FAM184B: variants seen among roughly 807,000 people sequenced by gnomAD.
The protein encoded by FAM184B is family with sequence similarity 184 member B.
A neutral mutation model predicts 135.9 loss-of-function variants in FAM184B; 111 were observed. The observed-to-expected ratio is 0.82, with a 90% CI of 0.70 to 0.96. FAM184B has a LOEUF of 0.96. Ranked by LOEUF, FAM184B falls within the 40% of genes least tolerant of loss-of-function variation. The pLI is 0.00. For synonymous variants in FAM184B, 552 were observed against 524.8 expected (o/e 1.05, Z -0.71); for missense variants, 1,375 against 1,323.9 (o/e 1.04, Z -0.60).
At position 17,772,161 on chromosome 4, in the gene FAM184B, G is replaced by C. The variant is rs147973695; in HGVS notation, c.141+8998C>G. ...ATTTATATTCATTAGTATAAAGAAG[G>C]GTGAAAAGTTGCCCTCTAGAAACAA... On this transcript the variant is annotated intron_variant, in intron 1 of 17. Coordinates refer to ENST00000265018, the MANE Select transcript of FAM184B (RefSeq NM_015688.2). 3.6e-3 allele frequency among the ~76,000 whole-genome samples: 545 copies of C among 151,940 alleles called. 3 individuals carry two copies. Among genetic ancestry groups the C allele is most frequent in the African/African-American group, 0.012 (477 of 41,444 alleles).
intron 7 of FAM184B, among the ~76,000 whole-genome samples, chr4:17,676,699 A>C (rs564212132): frequency 7.2e-5 from 11 of 152,212 alleles, no homozygotes; most frequent in Non-Finnish European, 1.3e-4. Context: ...CTATTGCCTA[A>C]TGATGACATA....
chr4:17,744,719 CA>C (rs1303877399), intron 1 of FAM184B, among the ~76,000 whole-genome samples: 312 of 122,314 alleles, frequency 2.6e-3, no homozygotes, highest in Middle Eastern at 3.8e-3. Flanking sequence ...GACTCCATCT[CA>C]AAAAAAAAAA....
chr4:17,714,499 T>C (rs1202985687), intron 1 of FAM184B, among the ~76,000 whole-genome samples: 3 of 152,142 alleles, frequency 2.0e-5, no homozygotes, highest in African/African-American at 4.8e-5. Context: ...AGGAACACTG[T>C]CTGTCATTGA....
chr4:17,766,496 G>A (rs6836293), intron 1 of FAM184B, among the ~76,000 whole-genome samples: 4,989 of 149,320 alleles, frequency 0.033, 275 homozygotes, highest in African/African-American at 0.11. Context: ...TGAGCTAGAC[G>A]CAGAATGCTG....
chr4:17,648,089 C>CAGCT (rs1416027008), intron 11 of FAM184B, among the ~76,000 whole-genome samples: 1 of 152,102 alleles, frequency 6.6e-6, no homozygotes, highest in Non-Finnish European at 1.5e-5. Flanking sequence ...CAAAGCCACA[C>CAGCT]AGCTATTAAA....
At position 17,629,935 on chromosome 4, in the gene FAM184B, C is replaced by T. The variant is rs1714875240; in HGVS notation, c.*2597G>A. 1 of 152,148 alleles carries T rather than the reference C, an allele frequency of 6.6e-6. No homozygotes were observed. The highest frequency in any genetic ancestry group is 2.1e-4 in the South Asian group (1 of 4,828). 9.4% of individuals were successfully genotyped at this position (152,148 alleles called of 1,614,324 possible). A position where few individuals can be genotyped will look rare whatever the true frequency, so the allele number is the denominator to read the frequency against. On this transcript the variant is annotated 3_prime_UTR_variant, in exon 18 of 18. Transcript: ENST00000265018. ...GTTTGTGTCCTTAAATGCCTTACTT[C>T]AATACCCAAGGCATATGGCCTCAAT...
At chr4:17,773,247 A>C (rs913161247) in intron 1 of FAM184B, among the ~76,000 whole-genome samples, 4 of 152,198 alleles carry the variant, frequency 2.6e-5, no homozygotes, top group Non-Finnish European at 5.9e-5. Flanking sequence ...AGGATGAGTA[A>C]GTATGTCAAA....
chr4:17,642,982 G>A (rs1715366061), intron 12 of FAM184B, among the ~76,000 whole-genome samples: 1 of 152,230 alleles, frequency 6.6e-6, no homozygotes, highest in Non-Finnish European at 1.5e-5. Flanking sequence ...GCACAGCTGT[G>A]CACGGGGAGA....
chr4:17,691,472 G>A (rs1206598083), intron 6 of FAM184B, among the ~76,000 whole-genome samples: 2 of 151,972 alleles, frequency 1.3e-5, no homozygotes, highest in Admixed American at 1.3e-4. Flanking sequence ...GATCACCTGA[G>A]CTCAGGAGTT....
chr4:17,756,678 A>T (rs899895880), intron 1 of FAM184B, among the ~76,000 whole-genome samples: 1 of 152,220 alleles, frequency 6.6e-6, no homozygotes, highest in African/African-American at 2.4e-5. Context: ...TCATCCCAGC[A>T]CTTTGGAAGG....
intron 6 of FAM184B, among the ~76,000 whole-genome samples, chr4:17,692,992 G>A (rs1477119326): frequency 6.9e-6 from 1 of 144,002 alleles, no homozygotes; most frequent in Admixed American, 7.2e-5. Context: ...CCACAAAGGG[G>A]CGAATGTAAC....
chr4:17,649,935 C>T (rs900429725), intron 11 of FAM184B, among the ~76,000 whole-genome samples: 1 of 151,556 alleles, frequency 6.6e-6, no homozygotes, highest in Admixed American at 6.6e-5. Context: ...CACTGATCCA[C>T]CCATTGGTTG....
At chr4:17,649,271 A>G (rs1560167363) in intron 11 of FAM184B, among the ~76,000 whole-genome samples, 1 of 152,198 alleles carries the variant, frequency 6.6e-6, no homozygotes, top group Non-Finnish European at 1.5e-5. Context: ...GTAAAAGCAT[A>G]GTGTATTTGG....
At chr4:17,760,012 C>T (rs888175985) in intron 1 of FAM184B, among the ~76,000 whole-genome samples, 1 of 152,090 alleles carries the variant, frequency 6.6e-6, no homozygotes, top group Non-Finnish European at 1.5e-5. Flanking sequence ...GCTGACCGCA[C>T]ACCTGGGCTC....
rs747026548 is a variant in FAM184B at position 17,692,358 on chromosome 4, A to C, written c.1488+944T>G. On this transcript the variant is annotated intron_variant, in intron 6 of 17. Coordinates refer to ENST00000265018, the MANE Select transcript of FAM184B (RefSeq NM_015688.2). The stretch of plus-strand genomic sequence containing the variant: ...ACTTTTCACCAAGACCCACCTCTAG[A>C]CCCTGAAATATCAACTCTAAGGAAA... 2.6e-4 allele frequency among the ~76,000 whole-genome samples: 39 copies of C among 152,198 alleles called. 1 individual carries two copies. Among genetic ancestry groups the C allele is most frequent in the Non-Finnish European group, 5.6e-4 (38 of 68,032 alleles).
At chr4:17,652,146 T>TTTTTTTTG (rs762642185) in intron 11 of FAM184B, among the ~76,000 whole-genome samples, 41 of 131,922 alleles carry the variant, frequency 3.1e-4, no homozygotes, top group East Asian at 9.4e-4. Flanking sequence ...TTTTTTTTTT[T>TTTTTTTTG]TTGAGTCTTG....
intron 2 of FAM184B, among the ~76,000 whole-genome samples, 178 bp downstream of exon 2, chr4:17,708,714 C>CTGTGTGTG (rs71167327): frequency 0.011 from 623 of 57,028 alleles, 14 homozygotes; most frequent in African/African-American, 0.031. Context: ...TATATAGTGT[C>CTGTGTGTG]TGTGTGTGTG....
At chr4:17,768,412 C>T (rs752480652) in intron 1 of FAM184B, among the ~76,000 whole-genome samples, 1 of 149,374 alleles carries the variant, frequency 6.7e-6, no homozygotes, top group Admixed American at 6.6e-5. Flanking sequence ...GTAGCTGGGA[C>T]TACAGGCACA....
chr4:17,751,990 T>G (rs1482855247), intron 1 of FAM184B, among the ~76,000 whole-genome samples: 1 of 148,156 alleles, frequency 6.7e-6, no homozygotes, highest in East Asian at 2.0e-4. Flanking sequence ...AAAAAAGAAC[T>G]GGCTGGGCTG....
Sources: gnomAD v4.1 joint callset for allele counts (sites outside exome capture counted in the v4.1 genomes callset) on GRCh38, gnomAD v4.1.1 for gene constraint, MANE v1.5 for transcripts, NCBI Gene and HGNC (gene_info 2026-07-23, HGNC 2026-07-21) for gene names.